The following RGL2 variants were observed in gnomAD, a reference collection of about 807,000 sequenced individuals.
RGL2 encodes the protein ral guanine nucleotide dissociation stimulator like 2, also known as ral guanine nucleotide dissociation stimulator-like 2.
RGL2 carries 40 observed loss-of-function variants against 84.6 expected under a neutral mutation model. That is an observed-to-expected ratio of 0.47 (90% CI 0.37 to 0.62). The LOEUF (loss-of-function observed/expected upper bound fraction) is 0.62. Among genes scored for constraint, RGL2 ranks in the 20% least tolerant of loss-of-function variants. RGL2 has a pLI of 0.00. For synonymous variants in RGL2, 369 were observed against 417.3 expected, an observed-to-expected ratio of 0.88 and a Z score of 1.41; for missense variants, 865 against 1,019.7, an observed-to-expected ratio of 0.85 and a Z score of 2.07.
chr6:33,301,520 G>A, upstream of RGL2: 2 of 525,192 alleles, frequency 3.8e-6, no homozygotes, highest in East Asian at 3.1e-5. Flanking sequence ...GTTGCAGTAA[G>A]CCAAGATCAT....
upstream of RGL2, chr6:33,300,302 C>T (rs1357358335): frequency 6.5e-6 from 1 of 153,730 alleles, no homozygotes; most frequent in Non-Finnish European, 1.5e-5. Flanking sequence ...CTCGGCCCTA[C>T]AGATCTCTGA....
In RGL2 at chr6:33,295,293, C is replaced by G. The variant is rs1767834717; in HGVS notation, c.1124+26G>C. On this transcript the variant is annotated intron_variant, in intron 8 of 17. Transcript: ENST00000497454. The surrounding 1 kb of genome is among the most constrained non-coding windows in gnomAD (Gnocchi z 7.2). The stretch of plus-strand genomic sequence containing the variant: ...CCCCGCCTTCTGAGGAACCCCCACC[C>G]CAGTCCAATGCCTCAGCCTCCGCAC... The G allele has an allele frequency of 6.4e-7, 1 of 1,560,718 alleles. No individual in the cohort carries two copies. The highest frequency in any genetic ancestry group is 1.4e-5 in the African/African-American group (1 of 73,618).
rs370280892 is a variant in RGL2 at position 33,295,499 on chromosome 6, C to T, written c.1020+9G>A. 3.5e-5 allele frequency: 56 copies of T among 1,613,036 alleles called. No individual in the cohort carries two copies. Among genetic ancestry groups the T allele is most frequent in the Non-Finnish European group, 3.7e-5 (44 of 1,179,424 alleles). ...TGGCCACAAACCGTAGGGCAATCTT[C>T]TCTCTCACCTCTGCCACGCGGATCC... is the stretch of plus-strand genomic sequence containing the variant. On this transcript the variant is annotated intron_variant, in intron 7 of 17. Coordinates refer to ENST00000497454, the MANE Select transcript of RGL2 (RefSeq NM_004761.5). The surrounding 1 kb of genome is among the most constrained non-coding windows in gnomAD (Gnocchi z 7.2).
upstream of RGL2, chr6:33,301,430 T>C (rs907859487): frequency 2.6e-5 from 8 of 307,300 alleles, no homozygotes; most frequent in South Asian, 2.2e-4. Context: ...AAAAATTCAC[T>C]GGGTGTGGTG....
In RGL2 at chr6:33,296,778, T is replaced by C; in HGVS notation, c.241-2A>G. 2 of 1,613,986 alleles carry C rather than the reference T, an allele frequency of 1.2e-6. No homozygotes were observed. The highest frequency in any genetic ancestry group is 1.3e-5 in the African/African-American group (1 of 75,018). On this transcript the variant is annotated splice_acceptor_variant, in intron 3 of 17. Transcript: ENST00000497454. LOFTEE classifies it high-confidence loss of function. The surrounding 1 kb of genome is among the most constrained non-coding windows in gnomAD (Gnocchi z 5.0). Reference sequence around the variant, plus strand: ...GGAACGTGGGGGAGGCATAGGGACCTGGAGAACACAGAGAGATGATCGCTA... The same window carrying C: ...GGAACGTGGGGGAGGCATAGGGACCCGGAGAACACAGAGAGATGATCGCTA...
At chr6:33,292,974 GAC>G (rs1562654070) in intron 16 of RGL2, 40 bp downstream of exon 16, 1 of 1,611,664 alleles carries the variant, frequency 6.2e-7, no homozygotes, top group Admixed American at 1.7e-5. Flanking sequence ...AGTCCAACAA[GAC>G]ACCATCCTTC....
chr6:33,295,224 GA>G lies in RGL2; in HGVS notation c.1125-14del. The G allele has an allele frequency of 6.3e-7, 1 of 1,593,974 alleles. No individual in the cohort carries two copies. Among genetic ancestry groups the G allele is most frequent in the Non-Finnish European group, 8.6e-7 (1 of 1,169,368 alleles). ...TCTGAGGCTGTCCCTGGGGAAGGGAGAAAAGTGGCCCTGAGGACAGGCCTGG... is the reference window on the plus strand; with the variant it reads ...TCTGAGGCTGTCCCTGGGGAAGGGAGAAAGTGGCCCTGAGGACAGGCCTGG... On this transcript the variant is annotated splice_polypyrimidine_tract_variant and intron_variant, in intron 8 of 17. Transcript: ENST00000497454. This position sits in a 1 kb window ranked among gnomAD's most constrained non-coding sequence, Gnocchi z 7.2.
rs1767892268 is a variant in RGL2, at chr6:33,295,824, A to T, written c.769-65T>A. The stretch of plus-strand genomic sequence containing the variant: ...TGAGGTCAGCCTTCCAATATCAGGG[A>T]TCTGAGGATCTCAGGTGGCCAAGGA... On this transcript the variant is annotated intron_variant, in intron 6 of 17. Coordinates refer to ENST00000497454, the MANE Select transcript of RGL2 (RefSeq NM_004761.5). This position sits in a 1 kb window ranked among gnomAD's most constrained non-coding sequence, Gnocchi z 7.2. The T allele has an allele frequency of 1.3e-6, 2 of 1,557,516 alleles. No individual in the cohort carries two copies. Among genetic ancestry groups the T allele is most frequent in the Non-Finnish European group, 1.8e-6 (2 of 1,141,946 alleles).
In RGL2 at chr6:33,292,129, C is replaced by T. The variant is rs746464835; in HGVS notation, c.2307G>A (p.Gly769=). The T allele has an allele frequency of 6.2e-7, 1 of 1,614,190 alleles. No individual in the cohort carries two copies. Reference sequence around the variant, plus strand: ...AGAACAGTGCCCGTGCAATCTTCCTCCCTGTGGCCTTGATCCTGGGAAAGG... The same window carrying T: ...AGAACAGTGCCCGTGCAATCTTCCTTCCTGTGGCCTTGATCCTGGGAAAGG... ...GGSFPRIKAT[G]RKIARALF The change falls in exon 18 of 18, where the codon GGG becomes GGA. Residue 769 remains glycine (G), a synonymous_variant. Coordinates refer to ENST00000497454, the MANE Select transcript of RGL2 (RefSeq NM_004761.5).
In RGL2 at chr6:33,294,567, T is replaced by C; in HGVS notation, c.1353+121A>G. On this transcript the variant is annotated intron_variant, in intron 11 of 17. Transcript: ENST00000497454. The surrounding 1 kb of genome is among the most constrained non-coding windows in gnomAD (Gnocchi z 5.0). Reference sequence around the variant, plus strand: ...AGGCGACTTGGCACAGAAACAGATCTGGCTCTGTCCCACACTCAGCTATTT... The same window carrying C: ...AGGCGACTTGGCACAGAAACAGATCCGGCTCTGTCCCACACTCAGCTATTT... 2 of 1,013,396 alleles carry C rather than the reference T, an allele frequency of 2.0e-6. No individual in the cohort carries two copies. Among genetic ancestry groups the C allele is most frequent in the Non-Finnish European group, 2.9e-6 (2 of 679,822 alleles). The allele number at this position is 1,013,396 out of a possible 1,614,324, so 62.8% of individuals were successfully genotyped here.
chr6:33,293,534 CAGG>C lies in RGL2; in HGVS notation c.1605-13_1605-11del, dbSNP rs776145986. On this transcript the variant is annotated splice_polypyrimidine_tract_variant and intron_variant, in intron 14 of 17. Transcript: ENST00000497454. The surrounding 1 kb of genome is among the most constrained non-coding windows in gnomAD (Gnocchi z 7.0). Reference sequence around the variant, plus strand: ...AACAGAGCCCAAAACCCTGCAGTGGCAGGAGATTGGGAGGATCAGAGAAAAGTG... The same window carrying C: ...AACAGAGCCCAAAACCCTGCAGTGGCAGATTGGGAGGATCAGAGAAAAGTG... 6.2e-6 allele frequency: 10 copies of C among 1,612,966 alleles called. No individual in the cohort carries two copies. The highest frequency in any genetic ancestry group is 7.6e-6 in the Non-Finnish European group (9 of 1,179,496).
In RGL2 at chr6:33,293,301, C is replaced by A; in HGVS notation, c.1722G>T (p.Met574Ile). 1 of 1,551,904 alleles carries A rather than the reference C, an allele frequency of 6.4e-7. No individual in the cohort carries two copies. Among genetic ancestry groups the A allele is most frequent in the Non-Finnish European group, 8.7e-7 (1 of 1,150,286 alleles). ...CTAGTGACGAGACAGATGGCCACTT[C>A]ATGTGCTAGGAACAAACAACATGGG... ...APLLTRLAQHMKWPSVSSLDS... is the reference protein window; with the variant it reads ...APLLTRLAQHIKWPSVSSLDS... The change falls in exon 16 of 18, where the codon ATG becomes ATT. Residue 574 changes from methionine (M) to isoleucine (I), a missense_variant. Met to Ile is a conservative substitution (Grantham distance 10). Transcript: ENST00000497454. This position sits in a 1 kb window ranked among gnomAD's most constrained non-coding sequence, Gnocchi z 7.0.
In RGL2 at chr6:33,294,793, T is replaced by C; in HGVS notation, c.1279-31A>G. On this transcript the variant is annotated intron_variant, in intron 10 of 17. Coordinates refer to ENST00000497454, the MANE Select transcript of RGL2 (RefSeq NM_004761.5). This position sits in a 1 kb window ranked among gnomAD's most constrained non-coding sequence, Gnocchi z 5.0. Reference sequence around the variant, plus strand: ...GTCAGGGGTCAGGGTCAGAAGTGCCTGCCATTGACGTGAGGGCCCTCCATC... The same window carrying C: ...GTCAGGGGTCAGGGTCAGAAGTGCCCGCCATTGACGTGAGGGCCCTCCATC... 2 of 1,609,488 alleles carry C rather than the reference T, an allele frequency of 1.2e-6. No homozygotes were observed. Among genetic ancestry groups the C allele is most frequent in the Non-Finnish European group, 1.7e-6 (2 of 1,176,806 alleles).
chr6:33,292,149 G>GA lies in RGL2; in HGVS notation c.2286dup (p.Pro763SerfsTer80). On this transcript the variant is annotated frameshift_variant, in exon 18 of 18. Coordinates refer to ENST00000497454, the MANE Select transcript of RGL2 (RefSeq NM_004761.5). LOFTEE classifies it high-confidence loss of function. ...TTCCTCCCTGTGGCCTTGATCCTGG[G>GA]AAAGGAGCCCCCTCCTCCCTCACTC... 1 of 1,614,156 alleles carries GA rather than the reference G, an allele frequency of 6.2e-7. No homozygotes were observed. The highest frequency in any genetic ancestry group is 8.5e-7 in the Non-Finnish European group (1 of 1,180,030).
chr6:33,292,685 C>G, intron 16 of RGL2, 141 bp from the exon 17 acceptor site: 1 of 741,524 alleles, frequency 1.3e-6, no homozygotes. Flanking sequence ...TGGTGGCTTC[C>G]TATACCCCAT....
chr6:33,293,113 T>C lies in RGL2; in HGVS notation c.1910A>G (p.Tyr637Cys). Residue 637 changes from tyrosine to cysteine, a missense_variant, in exon 16 of 18, where the codon TAT becomes TGT. Transcript: ENST00000497454. This position sits in a 1 kb window ranked among gnomAD's most constrained non-coding sequence, Gnocchi z 7.0. Reference protein sequence around the residue: ...GAEEASGGTGYGGEGSGPGAS... With the variant: ...GAEEASGGTGCGGEGSGPGAS... Reference sequence around the variant, plus strand: ...CCCTGGCCCAGATCCCTCTCCCCCATATCCAGTCCCCCCGGAGGCCTCTTC... The same window carrying C: ...CCCTGGCCCAGATCCCTCTCCCCCACATCCAGTCCCCCCGGAGGCCTCTTC... 1 of 1,613,864 alleles carries C rather than the reference T, an allele frequency of 6.2e-7. No individual in the cohort carries two copies. The highest frequency in any genetic ancestry group is 8.5e-7 in the Non-Finnish European group (1 of 1,179,912).
chr6:33,292,607 A>G (rs548861746), intron 16 of RGL2, 63 bp from the exon 17 acceptor site: 3 of 1,370,910 alleles, frequency 2.2e-6, no homozygotes, highest in African/African-American at 2.9e-5. Context: ...TTCTACCCTC[A>G]GCCACTGAAC....
Position 33,298,506 on chromosome 6 carries a change from A to G in RGL2, c.105T>C (p.Gly35=). 6.6e-7 allele frequency: 1 copy of G among 1,526,442 alleles called. No homozygotes were observed. The highest frequency in any genetic ancestry group is 8.8e-7 in the Non-Finnish European group (1 of 1,133,428). The allele number at this position is 1,526,442 out of a possible 1,614,324, so 94.6% of individuals were successfully genotyped here. Residue 35 remains glycine, a synonymous_variant, in exon 2 of 18, where the codon GGT becomes GGC. Coordinates refer to ENST00000497454, the MANE Select transcript of RGL2 (RefSeq NM_004761.5). This position sits in a 1 kb window ranked among gnomAD's most constrained non-coding sequence, Gnocchi z 4.8. ...SRDPEEGGGP[G]GLVVGGGQEE... ...CCTGCCCCCCGCCCACGACCAGGCCACCTGGGCCCCCACCCTCTTCGGGGT... is the reference window on the plus strand; with the variant it reads ...CCTGCCCCCCGCCCACGACCAGGCCGCCTGGGCCCCCACCCTCTTCGGGGT...
chr6:33,296,642 C>T lies in RGL2; in HGVS notation c.375G>A (p.Arg125=), dbSNP rs1331075584. 1 of 1,613,836 alleles carries T rather than the reference C, an allele frequency of 6.2e-7. No individual in the cohort carries two copies. The stretch of plus-strand genomic sequence containing the variant: ...GCAAGGCAGGCGTGGAGGTGAAGGC[C>T]CGGTGGGTAGCCAGGAAGGCTGACA... ...SFMSAFLATH[R]AFTSTPALLG... Residue 125 remains arginine (R), a synonymous_variant, in exon 4 of 18, where the codon CGG becomes CGA. Coordinates refer to ENST00000497454, the MANE Select transcript of RGL2 (RefSeq NM_004761.5). This position sits in a 1 kb window ranked among gnomAD's most constrained non-coding sequence, Gnocchi z 5.0.
Sources: gnomAD v4.1 joint callset for allele counts on GRCh38, gnomAD v4.1.1 for gene constraint, Gnocchi (gnomAD v3.1) non-coding constraint, MANE v1.5 for transcripts, NCBI Gene and HGNC (gene_info 2026-07-23, HGNC 2026-07-21) for gene names.